The following ELP3 variants were observed in gnomAD, a reference collection of about 807,000 sequenced individuals.
ELP3 encodes elongator acetyltransferase complex subunit 3.
ELP3 carries 56 observed loss-of-function variants against 74.9 expected under a neutral mutation model. The observed-to-expected ratio is 0.75, with a 90% CI of 0.60 to 0.93. ELP3 has a LOEUF of 0.93. Among genes scored for constraint, ELP3 ranks in the 40% least tolerant of loss-of-function variants. ELP3 has a pLI of 0.00. For missense variants in ELP3, 573 were observed against 686.5 expected (o/e 0.83, Z 1.85); for synonymous variants, 222 against 239.8 (o/e 0.93, Z 0.68).
At chr8:28,160,133 TA>T in intron 12 of ELP3, 95 bp from the exon 13 acceptor site, 1 of 1,083,766 alleles carries the variant, frequency 9.2e-7, no homozygotes, top group Non-Finnish European at 1.3e-6. Flanking sequence ...TCCTTATCCC[TA>T]ACTAGATATT....
chr8:28,114,496 T>G (rs1812044930), intron 7 of ELP3, among the ~76,000 whole-genome samples: 1 of 152,018 alleles, frequency 6.6e-6, no homozygotes, highest in Non-Finnish European at 1.5e-5. Flanking sequence ...GTACATCACA[T>G]GACGGGTGCA....
intron 1 of ELP3, chr8:28,093,529 C>T (rs765937642): frequency 4.1e-6 from 2 of 489,126 alleles, no homozygotes; most frequent in East Asian, 7.4e-5. Flanking sequence ...GTCGATTTAA[C>T]GGGTTGTAGG....
At position 28,160,295 on chromosome 8, in the gene ELP3, C is replaced by G; in HGVS notation, c.1324C>G (p.Pro442Ala). 1.2e-6 allele frequency: 2 copies of G among 1,614,028 alleles called. No homozygotes were observed. Among genetic ancestry groups the G allele is most frequent in the Non-Finnish European group, 1.7e-6 (2 of 1,180,020 alleles). Residue 442 changes from proline to alanine, a missense_variant, in exon 13 of 15, where the codon CCA (proline) becomes GCA (alanine). Pro to Ala is a conservative substitution (Grantham distance 27). Transcript: ENST00000256398. ...GWETFLSYED[P>A]DQDILIGLLR... The stretch of plus-strand genomic sequence containing the variant: ...GGAAACATTCTTGTCATACGAAGAC[C>G]CAGATCAAGACATTTTGATTGGCCT...
Position 28,160,342 on chromosome 8 carries a change from A to C in ELP3, c.1371A>C (p.Ser457=). The change falls in exon 13 of 15, where the codon TCA becomes TCC. Residue 457 remains serine (S), a synonymous_variant. Coordinates refer to ENST00000256398, the MANE Select transcript of ELP3 (RefSeq NM_018091.6). The part of the protein sequence containing the change: ...LIGLLRLRKC[S]EETFRFELGG... ...GCCTCCTACGATTACGCAAGTGTTC[A>C]GAAGAAACTTTCCGTTTCGAATTGG... is the stretch of plus-strand genomic sequence containing the variant. 6.2e-7 allele frequency: 1 copy of C among 1,614,234 alleles called. No homozygotes were observed. The highest frequency in any genetic ancestry group is 8.5e-7 in the Non-Finnish European group (1 of 1,180,032).
rs1811980475 is a variant in ELP3 at position 28,113,005 on chromosome 8, A to C, written c.463-14A>C. ...TGCTTATATCATTCTAATGCTGATG[A>C]ATTTGTCTTTCAGTTAAAACAACTT... On this transcript the variant is annotated splice_polypyrimidine_tract_variant and intron_variant, in intron 6 of 14. Coordinates refer to ENST00000256398, the MANE Select transcript of ELP3 (RefSeq NM_018091.6). 1.9e-6 allele frequency: 3 copies of C among 1,611,052 alleles called. No individual in the cohort carries two copies. In the African/African-American group the frequency reaches 4.0e-5, roughly 22 times the overall value.
intron 9 of ELP3, among the ~76,000 whole-genome samples, chr8:28,134,780 A>G (rs1274820741): frequency 6.6e-6 from 1 of 152,148 alleles, no homozygotes; most frequent in East Asian, 1.9e-4. Flanking sequence ...GAAGAAATTT[A>G]TTACAGATTT....
chr8:28,184,388 C>T (rs957789193), intron 14 of ELP3, among the ~76,000 whole-genome samples: 2 of 152,084 alleles, frequency 1.3e-5, no homozygotes, highest in Non-Finnish European at 2.9e-5. Context: ...CCAAAAGGCC[C>T]ATCGTGAGGC....
chr8:28,123,493 C>T (rs1224380506), intron 7 of ELP3, among the ~76,000 whole-genome samples: 5 of 152,136 alleles, frequency 3.3e-5, no homozygotes, highest in African/African-American at 1.2e-4. Flanking sequence ...TGTGTGTTCT[C>T]AGTTGCTGGG....
chr8:28,178,303 C>G (rs929562072), intron 14 of ELP3, among the ~76,000 whole-genome samples: 2 of 152,232 alleles, frequency 1.3e-5, no homozygotes, highest in African/African-American at 4.8e-5. Context: ...ATCGCACTCT[C>G]TAACCCCCAC....
chr8:28,132,254 C>T, intron 8 of ELP3, 24 bp from the exon 9 acceptor site: 1 of 1,613,278 alleles, frequency 6.2e-7, no homozygotes, highest in Non-Finnish European at 8.5e-7. Context: ...GTGATTTTCA[C>T]AGGTAGTGAT....
intron 13 of ELP3, 46 bp from the exon 14 acceptor site, chr8:28,161,951 A>G: frequency 6.3e-7 from 1 of 1,594,914 alleles, no homozygotes; most frequent in Non-Finnish European, 8.6e-7. Context: ...CTCTTAATGA[A>G]CTTCCTTCCT....
intron 3 of ELP3, among the ~76,000 whole-genome samples, chr8:28,102,767 A>G (rs1026500917): frequency 3.3e-5 from 5 of 152,246 alleles, no homozygotes; most frequent in African/African-American, 1.2e-4. Context: ...CAAAGCCTGT[A>G]CATACATTAG....
At chr8:28,183,076 C>T (rs190309094) in intron 14 of ELP3, 69 of 453,862 alleles carry the variant, frequency 1.5e-4, no homozygotes, top group Admixed American at 7.3e-4. Flanking sequence ...TAATGTAACC[C>T]CTTTCCATGG....
intron 2 of ELP3, among the ~76,000 whole-genome samples, chr8:28,098,006 T>C (rs1045675783): frequency 6.6e-6 from 1 of 152,170 alleles, no homozygotes; most frequent in African/African-American, 2.4e-5. Context: ...CTGCACATCC[T>C]ACTTTCCTTC....
intron 14 of ELP3, among the ~76,000 whole-genome samples, chr8:28,167,508 A>G (rs941961166): frequency 6.6e-6 from 1 of 152,216 alleles, no homozygotes; most frequent in Non-Finnish European, 1.5e-5. Context: ...AGTTGAAAAG[A>G]AGGGTACATT....
chr8:28,119,399 GTC>G (rs1166905830), intron 7 of ELP3, among the ~76,000 whole-genome samples: 2 of 151,652 alleles, frequency 1.3e-5, no homozygotes, highest in African/African-American at 4.8e-5. Flanking sequence ...ATTCATCAGT[GTC>G]TCTCGCGTGT....
intron 2 of ELP3, among the ~76,000 whole-genome samples, chr8:28,098,959 A>G (rs1296335285): frequency 1.3e-5 from 2 of 152,190 alleles, no homozygotes; most frequent in African/African-American, 4.8e-5. Context: ...ATATGTTTTA[A>G]TCATTTATAC....
At chr8:28,114,194 A>G (rs1302682555) in intron 7 of ELP3, among the ~76,000 whole-genome samples, 1 of 151,582 alleles carries the variant, frequency 6.6e-6, no homozygotes, top group Non-Finnish European at 1.5e-5. Flanking sequence ...ATTTAGGCTG[A>G]GACCGGAAGT....
At chr8:28,184,151 CAGG>C (rs1380154291) in intron 14 of ELP3, among the ~76,000 whole-genome samples, 1 of 152,092 alleles carries the variant, frequency 6.6e-6, no homozygotes, top group African/African-American at 2.4e-5. Flanking sequence ...GTTGTAGAAA[CAGG>C]AGGAAATTTT....
Sources: gnomAD v4.1 joint callset for allele counts (sites outside exome capture counted in the v4.1 genomes callset) on GRCh38, gnomAD v4.1.1 for gene constraint, MANE v1.5 for transcripts, NCBI Gene and HGNC (gene_info 2026-07-23, HGNC 2026-07-21) for gene names.